Variants in CNTN6 observed in about 807,000 individuals in gnomAD.
The protein encoded by CNTN6 is contactin-6.
In CNTN6, 137 loss-of-function variants were observed where a neutral mutation model predicts 122.8. The observed-to-expected ratio is 1.12, with a 90% CI of 0.97 to 1.29. The LOEUF is 1.29. Ranked by LOEUF, CNTN6 falls within the 50% of genes most tolerant of loss-of-function variation. The pLI, the probability that CNTN6 is intolerant of heterozygous loss-of-function variation, is 0.00. For synonymous variants in CNTN6, 570 were observed against 426.0 expected (o/e 1.34, Z -4.16); for missense variants, 1,634 against 1,223.4 (o/e 1.34, Z -5.01).
At chr3:1,391,052 T>G (rs1352580160) in intron 20 of CNTN6, among the ~76,000 whole-genome samples, 4 of 41,864 alleles carry the variant, frequency 9.6e-5, no homozygotes, top group Non-Finnish European at 1.5e-4. Context: ...TAACTCATTT[T>G]AGGAGGCCAG....
At chr3:1,333,963 A>T (rs186970873) in intron 11 of CNTN6, among the ~76,000 whole-genome samples, 1 of 152,130 alleles carries the variant, frequency 6.6e-6, no homozygotes, top group South Asian at 2.1e-4. Context: ...TGATGTGTTG[A>T]TAATTCAGAT....
chr3:1,379,172 G>A (rs1710300978), intron 17 of CNTN6, among the ~76,000 whole-genome samples: 1 of 131,274 alleles, frequency 7.6e-6, no homozygotes, highest in East Asian at 2.0e-4. Context: ...AAATAGAGAT[G>A]AGCATGAATT....
intron 2 of CNTN6, among the ~76,000 whole-genome samples, chr3:1,163,427 C>T (rs980484929): frequency 1.3e-5 from 2 of 152,108 alleles, no homozygotes; most frequent in African/African-American, 4.8e-5. Context: ...GCCTTGAAAG[C>T]TCATTAATTT....
chr3:1,294,774 G>A (rs955135655), intron 5 of CNTN6, among the ~76,000 whole-genome samples: 2 of 152,152 alleles, frequency 1.3e-5, no homozygotes, highest in Non-Finnish European at 2.9e-5. Context: ...CTTTTCTGAT[G>A]ACACATCATT....
intron 1 of CNTN6, among the ~76,000 whole-genome samples, chr3:1,114,860 G>A (rs947091564): frequency 6.6e-6 from 1 of 152,100 alleles, no homozygotes; most frequent in African/African-American, 2.4e-5. Flanking sequence ...TTTCAAAGGA[G>A]GACAACTGGA....
At chr3:1,236,651 A>G (rs2125587531) in intron 4 of CNTN6, among the ~76,000 whole-genome samples, 1 of 152,318 alleles carries the variant, frequency 6.6e-6, no homozygotes. Context: ...AGAGACAATA[A>G]TGATAATATG....
At chr3:1,294,694 C>T (rs934542601) in intron 5 of CNTN6, among the ~76,000 whole-genome samples, 2 of 152,140 alleles carry the variant, frequency 1.3e-5, no homozygotes, top group African/African-American at 4.8e-5. Flanking sequence ...AAATGCTTGT[C>T]GACTCCTCCG....
intron 2 of CNTN6, among the ~76,000 whole-genome samples, chr3:1,182,441 G>A (rs899551766): frequency 6.6e-6 from 1 of 152,098 alleles, no homozygotes; most frequent in Non-Finnish European, 1.5e-5. Context: ...TCTTGAGCAA[G>A]TCTTGTTAAT....
intron 5 of CNTN6, among the ~76,000 whole-genome samples, chr3:1,288,719 C>G (rs1006587939): frequency 1.3e-5 from 2 of 152,140 alleles, no homozygotes; most frequent in African/African-American, 4.8e-5. Context: ...TATTTTTCCT[C>G]TAATAAAAAT....
chr3:1,393,594 C>A, intron 20 of CNTN6, among the ~76,000 whole-genome samples: 1 of 145,238 alleles, frequency 6.9e-6, no homozygotes, highest in South Asian at 2.2e-4. Flanking sequence ...GTGTGTAATT[C>A]AGTTTCTATC....
chr3:1,218,646 G>C (rs78818513), intron 2 of CNTN6, among the ~76,000 whole-genome samples: 2,653 of 152,226 alleles, frequency 0.017, 72 homozygotes, highest in African/African-American at 0.061. Context: ...GGGCACCAGG[G>C]TTCTCACAGC....
chr3:1,117,380 T>G (rs760767050), intron 1 of CNTN6, among the ~76,000 whole-genome samples: 1 of 152,108 alleles, frequency 6.6e-6, no homozygotes, highest in African/African-American at 2.4e-5. Context: ...CTGCAGGTGG[T>G]TTGATATGGC....
chr3:1,233,605 T>C (rs142260710), intron 4 of CNTN6, among the ~76,000 whole-genome samples: 322 of 150,688 alleles, frequency 2.1e-3, no homozygotes, highest in African/African-American at 7.6e-3. Context: ...TGTGGTGGTG[T>C]GCACCTGTAA....
At chr3:1,283,426 C>T (rs939683686) in intron 5 of CNTN6, among the ~76,000 whole-genome samples, 1 of 152,070 alleles carries the variant, frequency 6.6e-6, no homozygotes, top group East Asian at 1.9e-4. Context: ...AATGTCGGCA[C>T]AAACTATCTG....
At chr3:1,170,236 CAAAAAAAAAAAA>C (rs10525769) in intron 2 of CNTN6, among the ~76,000 whole-genome samples, 14,778 of 107,598 alleles carry the variant, frequency 0.14, 1,081 homozygotes, top group East Asian at 0.33. Context: ...GGCTCCATCT[CAAAAAAAAAAAA>C]AAAAAAAAAA....
At chr3:1,278,375 G>A (rs758717735) in intron 4 of CNTN6, 38 bp from the exon 5 acceptor site, 4 of 1,323,840 alleles carry the variant, frequency 3.0e-6, no homozygotes, top group Non-Finnish European at 4.3e-6. Flanking sequence ...ATTCTGCAAA[G>A]TAACTAATTA....
chr3:1,272,892 G>T (rs756929724), intron 4 of CNTN6, among the ~76,000 whole-genome samples: 1 of 152,168 alleles, frequency 6.6e-6, no homozygotes, highest in Non-Finnish European at 1.5e-5. Flanking sequence ...TACAATACTT[G>T]TATTGCCTGA....
chr3:1,352,781 G>A (rs1056828233), intron 12 of CNTN6, among the ~76,000 whole-genome samples: 1 of 151,656 alleles, frequency 6.6e-6, no homozygotes, highest in African/African-American at 2.4e-5. Context: ...CATTTTTTTG[G>A]TCAAATATCT....
At chr3:1,368,770 G>A (rs1375009707) in intron 12 of CNTN6, among the ~76,000 whole-genome samples, 3 of 152,038 alleles carry the variant, frequency 2.0e-5, no homozygotes, top group Non-Finnish European at 4.4e-5. Flanking sequence ...ATTTGTAAGT[G>A]TATGTCATCA....
Sources: gnomAD v4.1 joint callset for allele counts (sites outside exome capture counted in the v4.1 genomes callset) on GRCh38, gnomAD v4.1.1 for gene constraint, MANE v1.5 for transcripts, NCBI Gene and HGNC (gene_info 2026-07-23, HGNC 2026-07-21) for gene names.